The following PDF variants were observed in gnomAD, a reference collection of about 807,000 sequenced individuals.
PDF encodes the protein peptide deformylase, mitochondrial.
A neutral mutation model predicts 20.3 loss-of-function variants in PDF; 31 were observed. That is an observed-to-expected ratio of 1.52 (90% CI 1.15 to 2.06). The LOEUF (loss-of-function observed/expected upper bound fraction) is 2.06. Among genes scored for constraint, PDF ranks in the 30% most tolerant of loss-of-function variants. The pLI is 0.00. For missense variants in PDF, 447 were observed against 362.5 expected (o/e 1.23, Z -1.89); for synonymous variants, 254 against 172.0 (o/e 1.48, Z -3.73).
chr16:69,329,315 C>G, intron 1 of PDF, 136 bp from the exon 2 acceptor site: 3 of 909,260 alleles, frequency 3.3e-6, no homozygotes, highest in Non-Finnish European at 1.6e-6. Context: ...GACAGCAGCT[C>G]CTCTTCTAAC....
At position 69,329,193 on chromosome 16, in the gene PDF, T is replaced by C; in HGVS notation, c.575-14A>G. On this transcript the variant is annotated splice_polypyrimidine_tract_variant and intron_variant, in intron 1 of 1. Transcript: ENST00000288022. ...TGGGGTCCAGCCCTGCAAAGGAAGT[T>C]ACAGCCCTGGTGAGTGGGAACAGCT... is the stretch of plus-strand genomic sequence containing the variant. 3 of 1,582,454 alleles carry C rather than the reference T, an allele frequency of 1.9e-6. No homozygotes were observed. The highest frequency in any genetic ancestry group is 2.6e-6 in the Non-Finnish European group (3 of 1,168,712).
In PDF at chr16:69,330,583, A is replaced by T. The variant is rs1264294807; in HGVS notation, c.-13T>A. The T allele has an allele frequency of 6.9e-7, 1 of 1,443,876 alleles. No homozygotes were observed. Among genetic ancestry groups the T allele is most frequent in the Non-Finnish European group, 9.0e-7 (1 of 1,111,500 alleles). The allele number at this position is 1,443,876 out of a possible 1,614,324, so 89.4% of individuals were successfully genotyped here. A position where few individuals can be genotyped will look rare whatever the true frequency, so the allele number is the denominator to read the frequency against. On this transcript the variant is annotated 5_prime_UTR_variant, in exon 1 of 2. Transcript: ENST00000288022. ...ACAGCCGGGCCATGGCGGCCCCCTTAACAGTGACCCGGCCCGCCCCTTCCG... is the reference window on the plus strand; with the variant it reads ...ACAGCCGGGCCATGGCGGCCCCCTTTACAGTGACCCGGCCCGCCCCTTCCG...
At position 69,330,421 on chromosome 16, in the gene PDF, G is replaced by C. The variant is rs1487217127; in HGVS notation, c.150C>G (p.Arg50=). 2.7e-6 allele frequency: 4 copies of C among 1,476,678 alleles called. No homozygotes were observed. The highest frequency in any genetic ancestry group is 3.6e-6 in the Non-Finnish European group (4 of 1,121,868). 91.5% of individuals were successfully genotyped at this position (1,476,678 alleles called of 1,614,324 possible). A position where few individuals can be genotyped will look rare whatever the true frequency, so the allele number is the denominator to read the frequency against. The change falls in exon 1 of 2, where the codon CGC becomes CGG. Residue 50 remains arginine, a synonymous_variant. Transcript: ENST00000288022. ...GACCCAGCACCAGACGCCTCAGGTG[G>C]CGCCAATAGGAGCGCCGCAGCGCCG... ...EGPALRRSYW[R]HLRRLVLGPP...
rs989177878 is a variant in PDF at position 69,330,375 on chromosome 16, G to A, written c.196C>T (p.His66Tyr). ...ACCGGGTCCCCGACTTGGCACACGT[G>A]CGAGAACGGCGGTTCGGGAGGACCC... The part of the protein sequence containing the change: ...VLGPPEPPFS[H>Y]VCQVGDPVLR... The change falls in exon 1 of 2, where the codon CAC becomes TAC. Residue 66 changes from histidine to tyrosine, a missense_variant. His to Tyr is a moderately conservative substitution (Grantham distance 83). Coordinates refer to ENST00000288022, the MANE Select transcript of PDF (RefSeq NM_022341.2). The A allele has an allele frequency of 2.0e-6, 3 of 1,479,476 alleles. No individual in the cohort carries two copies. Among genetic ancestry groups the A allele is most frequent in the Non-Finnish European group, 2.7e-6 (3 of 1,123,158 alleles). The allele number at this position is 1,479,476 out of a possible 1,614,324, so 91.6% of individuals were successfully genotyped here. A position where few individuals can be genotyped will look rare whatever the true frequency, so the allele number is the denominator to read the frequency against.
chr16:69,329,283 G>T, intron 1 of PDF, 104 bp from the exon 2 acceptor site: 1 of 1,254,296 alleles, frequency 8.0e-7, no homozygotes, highest in Non-Finnish European at 1.0e-6. Context: ...TTGACAAGAG[G>T]CAACAGCAGA....
Position 69,328,847 on chromosome 16 carries a change from G to C in PDF, c.*175C>G, listed in dbSNP as rs1965685151. ...TGTAGCCAACATTTTGTCCGTAACT[G>C]ATTTCAGGGCAAACATTTCTGACAT... On this transcript the variant is annotated 3_prime_UTR_variant, in exon 2 of 2. Transcript: ENST00000288022. 8.3e-6 allele frequency: 7 copies of C among 846,382 alleles called. No individual in the cohort carries two copies. The highest frequency in any genetic ancestry group is 1.3e-5 in the Non-Finnish European group (7 of 559,856). The allele number at this position is 846,382 out of a possible 1,614,324, so 52.4% of individuals were successfully genotyped here. A position where few individuals can be genotyped will look rare whatever the true frequency, so the allele number is the denominator to read the frequency against.
chr16:69,328,257 C>G lies in PDF; in HGVS notation c.*765G>C, dbSNP rs1264344513. 6.8e-6 allele frequency: 1 copy of G among 147,918 alleles called. No homozygotes were observed. Among genetic ancestry groups the G allele is most frequent in the Non-Finnish European group, 1.5e-5 (1 of 66,872 alleles). 9.2% of individuals were successfully genotyped at this position (147,918 alleles called of 1,614,324 possible). On this transcript the variant is annotated 3_prime_UTR_variant, in exon 2 of 2. Coordinates refer to ENST00000288022, the MANE Select transcript of PDF (RefSeq NM_022341.2). ...CACTGCACCTGGCCACTTTCTTAAA[C>G]CTACACATTGGTTGCTGTGATATTA... is the stretch of plus-strand genomic sequence containing the variant.
chr16:69,327,709 C>G lies in PDF; in HGVS notation c.*1313G>C, dbSNP rs1965643055. 2 of 152,012 alleles carry G rather than the reference C, an allele frequency of 1.3e-5. No homozygotes were observed. Among genetic ancestry groups the G allele is most frequent in the African/African-American group, 2.4e-5 (1 of 41,364 alleles). The allele number at this position is 152,012 out of a possible 1,614,324, so 9.4% of individuals were successfully genotyped here. On this transcript the variant is annotated 3_prime_UTR_variant, in exon 2 of 2. Coordinates refer to ENST00000288022, the MANE Select transcript of PDF (RefSeq NM_022341.2). The stretch of plus-strand genomic sequence containing the variant: ...AACTCAGCATAAAAATGAGGTGAAA[C>G]AGTTTAACTAAAACTGGAGTTTGGC...
Position 69,329,125 on chromosome 16 carries a change from C to T in PDF, c.629G>A (p.Arg210His). 6.2e-7 allele frequency: 1 copy of T among 1,609,182 alleles called. No homozygotes were observed. The highest frequency in any genetic ancestry group is 8.5e-7 in the Non-Finnish European group (1 of 1,179,028). ...GTGGTCCATCTCGTGCTGGATGATG[C>T]GGGCTGCCCACCCGCTCGCCTGCCA... The part of the protein sequence containing the change: ...VVWQASGWAA[R>H]IIQHEMDHLQ... Residue 210 changes from arginine (R) to histidine (H), a missense_variant, in exon 2 of 2, where the codon CGC becomes CAC. Coordinates refer to ENST00000288022, the MANE Select transcript of PDF (RefSeq NM_022341.2).
In PDF at chr16:69,330,473, G is replaced by A. The variant is rs774102989; in HGVS notation, c.98C>T (p.Thr33Met). 51 of 1,472,704 alleles carry A rather than the reference G, an allele frequency of 3.5e-5. 3 individuals carry two copies. In the South Asian group the frequency reaches 5.9e-4, roughly 17 times the overall value. 91.2% of individuals were successfully genotyped at this position (1,472,704 alleles called of 1,614,324 possible). ...AAVGVRACSS[T>M]AAPDGVEGPA... ...GCCCTCGACGCCGTCCGGGGCGGCC[G>A]TGGAGCTGCAAGCCCGGACACCGAC... The change falls in exon 1 of 2, where the codon ACG becomes ATG. Residue 33 changes from threonine to methionine, a missense_variant. Physicochemically the swap from Thr to Met is moderately conservative, Grantham distance 81. Coordinates refer to ENST00000288022, the MANE Select transcript of PDF (RefSeq NM_022341.2).
In PDF at chr16:69,327,139, C is replaced by G. The variant is rs1269562433; in HGVS notation, c.*1883G>C. ...CATTGGCTGCATCTCTGACCTTGCA[C>G]CAGTATCTGGTTGGGATTCCCTTTT... is the stretch of plus-strand genomic sequence containing the variant. On this transcript the variant is annotated 3_prime_UTR_variant, in exon 2 of 2. Transcript: ENST00000288022. 1 of 150,700 alleles carries G rather than the reference C, an allele frequency of 6.6e-6. No homozygotes were observed. Among genetic ancestry groups the G allele is most frequent in the African/African-American group, 2.4e-5 (1 of 40,862 alleles). The allele number at this position is 150,700 out of a possible 1,614,324, so 9.3% of individuals were successfully genotyped here. A position where few individuals can be genotyped will look rare whatever the true frequency, so the allele number is the denominator to read the frequency against.
rs1359403306 is a variant in PDF at position 69,330,472 on chromosome 16, C to T, written c.99G>A (p.Thr33=). 4.8e-5 allele frequency: 71 copies of T among 1,472,506 alleles called. No homozygotes were observed. Among genetic ancestry groups the T allele is most frequent in the Non-Finnish European group, 6.1e-5 (68 of 1,120,430 alleles). The allele number at this position is 1,472,506 out of a possible 1,614,324, so 91.2% of individuals were successfully genotyped here. A position where few individuals can be genotyped will look rare whatever the true frequency, so the allele number is the denominator to read the frequency against. The change falls in exon 1 of 2, where the codon ACG becomes ACA. Residue 33 remains threonine, a synonymous_variant. Transcript: ENST00000288022. ...GGCCCTCGACGCCGTCCGGGGCGGC[C>T]GTGGAGCTGCAAGCCCGGACACCGA... is the stretch of plus-strand genomic sequence containing the variant. ...AAVGVRACSS[T]AAPDGVEGPA...
chr16:69,327,146 C>G lies in PDF; in HGVS notation c.*1876G>C, dbSNP rs1286927384. The G allele has an allele frequency of 7.0e-6, 1 of 143,434 alleles. No individual in the cohort carries two copies. The highest frequency in any genetic ancestry group is 2.6e-5 in the African/African-American group (1 of 38,502). 8.9% of individuals were successfully genotyped at this position (143,434 alleles called of 1,614,324 possible). A position where few individuals can be genotyped will look rare whatever the true frequency, so the allele number is the denominator to read the frequency against. On this transcript the variant is annotated 3_prime_UTR_variant, in exon 2 of 2. Coordinates refer to ENST00000288022, the MANE Select transcript of PDF (RefSeq NM_022341.2). ...TGCATCTCTGACCTTGCACCAGTAT[C>G]TGGTTGGGATTCCCTTTTTTTTTTT... is the stretch of plus-strand genomic sequence containing the variant.
chr16:69,330,349 C>T lies in PDF; in HGVS notation c.222G>A (p.Val74=). The change falls in exon 1 of 2, where the codon GTG becomes GTA. Residue 74 remains valine (V), a synonymous_variant. Coordinates refer to ENST00000288022, the MANE Select transcript of PDF (RefSeq NM_022341.2). ...FSHVCQVGDP[V]LRGVAAPVER... is the part of the protein sequence containing the mutation. ...CCACCGGGGCCGCCACGCCGCGCAG[C>T]ACCGGGTCCCCGACTTGGCACACGT... The T allele has an allele frequency of 6.8e-7, 1 of 1,473,114 alleles. No individual in the cohort carries two copies. Among genetic ancestry groups the T allele is most frequent in the Admixed American group, 2.4e-5 (1 of 41,512 alleles). The allele number at this position is 1,473,114 out of a possible 1,614,324, so 91.3% of individuals were successfully genotyped here.
At position 69,327,688 on chromosome 16, in the gene PDF, CAGCA is replaced by C. The variant is rs1965641698; in HGVS notation, c.*1330_*1333del. 3 of 152,102 alleles carry C rather than the reference CAGCA, an allele frequency of 2.0e-5. No homozygotes were observed. The allele number at this position is 152,102 out of a possible 1,614,324, so 9.4% of individuals were successfully genotyped here. ...GCAAGAATACCTACTTTACAAAACT[CAGCA>C]TAAAAATGAGGTGAAACAGTTTAAC... On this transcript the variant is annotated 3_prime_UTR_variant, in exon 2 of 2. Transcript: ENST00000288022.
rs1308662799 is a variant in PDF, at chr16:69,329,059, G to T, written c.695C>A (p.Thr232Lys). The change falls in exon 2 of 2, where the codon ACG (threonine) becomes AAG (lysine). Residue 232 changes from threonine (T) to lysine (K), a missense_variant. By Grantham distance (78) the Thr-to-Lys change is moderately conservative. Coordinates refer to ENST00000288022, the MANE Select transcript of PDF (RefSeq NM_022341.2). ...CLFIDKMDSRTFTNVYWMKVN... is the reference protein window; with the variant it reads ...CLFIDKMDSRKFTNVYWMKVN... ...CTTCATCCAATAGACGTTTGTGAAC[G>T]TCCTGCTGTCCATTTTGTCAATAAA... The T allele has an allele frequency of 6.2e-7, 1 of 1,611,628 alleles. No homozygotes were observed. The highest frequency in any genetic ancestry group is 2.2e-5 in the East Asian group (1 of 44,760).
rs1433683992 is a variant in PDF, at chr16:69,330,265, C to G, written c.306G>C (p.Val102=). The change falls in exon 1 of 2, where the codon GTG becomes GTC. Residue 102 remains valine (V), a synonymous_variant. Transcript: ENST00000288022. The part of the protein sequence containing the change: ...LQRLTQRLVQ[V]MRRRRCVGLS... ...GGCCCACGCAGCGCCGCCGCCGCATCACCTGGACCAGCCGTTGCGTCAGCC... is the reference window on the plus strand; with the variant it reads ...GGCCCACGCAGCGCCGCCGCCGCATGACCTGGACCAGCCGTTGCGTCAGCC... 1.4e-6 allele frequency: 2 copies of G among 1,436,882 alleles called. No individual in the cohort carries two copies. Among genetic ancestry groups the G allele is most frequent in the East Asian group, 3.0e-5 (1 of 33,306 alleles). 89.0% of individuals were successfully genotyped at this position (1,436,882 alleles called of 1,614,324 possible). A position where few individuals can be genotyped will look rare whatever the true frequency, so the allele number is the denominator to read the frequency against.
intron 1 of PDF, among the ~76,000 whole-genome samples, chr16:69,329,782 G>A (rs1325219509): frequency 2.0e-5 from 3 of 152,222 alleles, no homozygotes; most frequent in Admixed American, 1.3e-4. Context: ...AGGTAACAGC[G>A]GAACTAGGGG....
At chr16:69,329,574 T>C (rs377210182) in intron 1 of PDF, among the ~76,000 whole-genome samples, 1 of 152,140 alleles carries the variant, frequency 6.6e-6, no homozygotes, top group African/African-American at 2.4e-5. Flanking sequence ...GCAGGAACAA[T>C]CACCCCGACC....
Sources: allele counts gnomAD v4.1 joint callset (sites outside exome capture counted in the v4.1 genomes callset), GRCh38; gene constraint gnomAD v4.1.1; transcripts MANE v1.5; gene names NCBI Gene and HGNC (gene_info 2026-07-23, HGNC 2026-07-21).